The following RPP40 variants were observed in gnomAD, a reference collection of about 807,000 sequenced individuals.
The protein encoded by RPP40 is ribonuclease P protein subunit p40.
Under a neutral mutation model 42.5 loss-of-function variants are expected in RPP40, and 30 were observed. The ratio of observed to expected loss-of-function variants is 0.71; its 90% confidence interval spans 0.53 to 0.96. The LOEUF is 0.96. RPP40 is among the 40% of genes least tolerant of loss of function. The pLI, the probability that RPP40 is intolerant of heterozygous loss-of-function variation, is 0.00. For missense variants in RPP40, 426 were observed against 433.5 expected, an observed-to-expected ratio of 0.98 and a Z score of 0.15; for synonymous variants, 173 against 164.0, an observed-to-expected ratio of 1.05 and a Z score of -0.42.
At chr6:4,990,283 G>A (rs1283598628), downstream of RPP40, among the ~76,000 whole-genome samples, 1 of 152,120 alleles carries the variant, frequency 6.6e-6, no homozygotes, top group East Asian at 1.9e-4. Flanking sequence ...TCTTGATCAT[G>A]TTTTATTACC....
downstream of RPP40, among the ~76,000 whole-genome samples, chr6:4,992,517 T>C (rs556046639): frequency 2.6e-5 from 4 of 152,242 alleles, no homozygotes; most frequent in Non-Finnish European, 4.4e-5. Flanking sequence ...TTTTGATTAA[T>C]ATAGCCACTT....
At position 5,003,980 on chromosome 6, in the gene RPP40, C is replaced by G; in HGVS notation, c.23G>C (p.Arg8Pro). Residue 8 changes from arginine (R) to proline (P), a missense_variant, in exon 1 of 8, where the codon CGG (arginine) becomes CCG (proline). Coordinates refer to ENST00000380051, the MANE Select transcript of RPP40 (RefSeq NM_006638.4). MATLRRL[R>P]EAPRHLLVCE... Reference sequence around the variant, plus strand: ...AACCAGTAAGTGCCGCGGCGCCTCCCGAAGCCGGCGCAGCGTGGCCATGCT... The same window carrying G: ...AACCAGTAAGTGCCGCGGCGCCTCCGGAAGCCGGCGCAGCGTGGCCATGCT... 1.2e-6 allele frequency: 2 copies of G among 1,611,582 alleles called. No homozygotes were observed. Among genetic ancestry groups the G allele is most frequent in the South Asian group, 1.1e-5 (1 of 91,028 alleles).
Position 5,003,910 on chromosome 6 carries a change from A to G in RPP40, c.93T>C (p.His31=). The G allele has an allele frequency of 1.9e-6, 3 of 1,613,754 alleles. No homozygotes were observed. In the Middle Eastern group the frequency reaches 5.0e-4, roughly 266 times the overall value. ...AGTTATAGTAGTGCGTCTGCACAAGATGCCGGTGGCGCGACTTGTGGTTGC... is the reference window on the plus strand; with the variant it reads ...AGTTATAGTAGTGCGTCTGCACAAGGTGCCGGTGGCGCGACTTGTGGTTGC... ...NFGNHKSRHR[H]LVQTHYYNYR... Residue 31 remains histidine (H), a synonymous_variant, in exon 1 of 8, where the codon CAT becomes CAC. Coordinates refer to ENST00000380051, the MANE Select transcript of RPP40 (RefSeq NM_006638.4).
chr6:4,999,665 T>A (rs1759491603), intron 4 of RPP40, 144 bp downstream of exon 4: 1 of 588,570 alleles, frequency 1.7e-6, no homozygotes, highest in African/African-American at 1.9e-5. Context: ...CATCCTATCC[T>A]CTGTGAAGCT....
rs1277283209 is a variant in RPP40 at position 4,995,160 on chromosome 6, T to C, written c.1010A>G (p.His337Arg). Residue 337 changes from histidine (H) to arginine (R), a missense_variant, in exon 8 of 8, where the codon CAT becomes CGT. His to Arg is a conservative substitution (Grantham distance 29). Coordinates refer to ENST00000380051, the MANE Select transcript of RPP40 (RefSeq NM_006638.4). ...ATTAAAAATCACAAAGTTATATAAA[T>C]GTTCTCCTCCTTTTCGAAAACCATG... Reference protein sequence around the residue: ...NEHGFRKGGEHLYNFVIFNNQ... With the variant: ...NEHGFRKGGERLYNFVIFNNQ... 6.2e-7 allele frequency: 1 copy of C among 1,614,142 alleles called. No individual in the cohort carries two copies. The highest frequency in any genetic ancestry group is 1.1e-5 in the South Asian group (1 of 91,086).
downstream of RPP40, among the ~76,000 whole-genome samples, chr6:4,992,839 CT>C (rs1390986964): frequency 2.6e-5 from 4 of 152,020 alleles, no homozygotes; most frequent in Non-Finnish European, 5.9e-5. Flanking sequence ...TCCATTTTAT[CT>C]TTTGATAGTT....
chr6:5,000,490 C>CTTTTT (rs10631918), intron 3 of RPP40, 73 bp downstream of exon 3: 150 of 695,490 alleles, frequency 2.2e-4, no homozygotes, highest in Middle Eastern at 4.7e-4. Flanking sequence ...GCCCAGCTGA[C>CTTTTT]TTTTTTTTTT....
rs150916566 is a variant in RPP40, at chr6:4,996,454, C to A, written c.560-34G>T. On this transcript the variant is annotated intron_variant, in intron 5 of 7. Transcript: ENST00000380051. Reference sequence around the variant, plus strand: ...CACACCACACAAGGCCATTTGAATCCATCTGACCATCGTAAGCAAGTTTAG... The same window carrying A: ...CACACCACACAAGGCCATTTGAATCAATCTGACCATCGTAAGCAAGTTTAG... 3.3e-5 allele frequency: 53 copies of A among 1,603,450 alleles called. No homozygotes were observed. The African/African-American group carries it at 6.1e-4, about 19-fold the overall frequency.
At chr6:4,998,634 A>G in intron 5 of RPP40, 82 bp downstream of exon 5, 1 of 918,208 alleles carries the variant, frequency 1.1e-6, no homozygotes, top group Non-Finnish European at 1.6e-6. Context: ...AGAGTGAATC[A>G]CCATTCAATC....
At position 4,995,058 on chromosome 6, in the gene RPP40, C is replaced by G; in HGVS notation, c.*20G>C. ...AAGCAAGCGTAAATGTAAGTAAACA[C>G]GATTTTTAATTTTTATTTTTTATGG... is the stretch of plus-strand genomic sequence containing the variant. On this transcript the variant is annotated 3_prime_UTR_variant, in exon 8 of 8. Transcript: ENST00000380051. 1 of 1,596,700 alleles carries G rather than the reference C, an allele frequency of 6.3e-7. No homozygotes were observed. The highest frequency in any genetic ancestry group is 1.7e-5 in the Admixed American group (1 of 58,288).
At chr6:4,990,985 G>A (rs548474845), downstream of RPP40, among the ~76,000 whole-genome samples, 3 of 152,086 alleles carry the variant, frequency 2.0e-5, no homozygotes, top group Non-Finnish European at 2.9e-5. Flanking sequence ...AGGCTCTTCA[G>A]TGATGCCACC....
At chr6:4,998,546 A>G (rs562013381) in intron 5 of RPP40, 170 bp downstream of exon 5, 1 of 450,876 alleles carries the variant, frequency 2.2e-6, no homozygotes, top group South Asian at 4.4e-5. Context: ...ATCCTGAACT[A>G]TGGTTTTCAG....
In RPP40 at chr6:4,995,196, T is replaced by C. The variant is rs567401583; in HGVS notation, c.974A>G (p.Glu325Gly). ...QGFADSPVSWEKNEHGFRKGG... is the reference protein window; with the variant it reads ...QGFADSPVSWGKNEHGFRKGG... Reference sequence around the variant, plus strand: ...TTTTCGAAAACCATGTTCATTTTTTTCCCAAGAAACAGGGCTGTCTGCAAA... The same window carrying C: ...TTTTCGAAAACCATGTTCATTTTTTCCCCAAGAAACAGGGCTGTCTGCAAA... The change falls in exon 8 of 8, where the codon GAA becomes GGA. Residue 325 changes from glutamate (E) to glycine (G), a missense_variant. Coordinates refer to ENST00000380051, the MANE Select transcript of RPP40 (RefSeq NM_006638.4). 2,919 of 1,614,178 alleles carry C rather than the reference T, an allele frequency of 1.8e-3. 82 individuals carry two copies. The South Asian group carries it at 0.03, about 17-fold the overall frequency.
chr6:5,002,241 G>T lies in RPP40; in HGVS notation c.128C>A (p.Ser43Ter), dbSNP rs1561747729. Residue 43 changes from serine to a stop codon, truncating the protein, a stop_gained, in exon 2 of 8, where the codon TCA becomes TAA. Coordinates refer to ENST00000380051, the MANE Select transcript of RPP40 (RefSeq NM_006638.4). LOFTEE classifies it high-confidence loss of function. ...TATCCCACATTCAGGAATGAGAAAT[G>T]AAACCTATTGGAATGTGTAATACAA... The part of the protein sequence containing the change: ...VQTHYYNYRV[S>*]FLIPECGILS... 9 of 1,611,954 alleles carry T rather than the reference G, an allele frequency of 5.6e-6. No individual in the cohort carries two copies. The highest frequency in any genetic ancestry group is 7.6e-6 in the Non-Finnish European group (9 of 1,179,070).
rs1259248166 is a variant in RPP40 at position 5,003,971 on chromosome 6, G to A, written c.32C>T (p.Pro11Leu). 1 of 1,612,464 alleles carries A rather than the reference G, an allele frequency of 6.2e-7. No individual in the cohort carries two copies. The highest frequency in any genetic ancestry group is 1.7e-5 in the Admixed American group (1 of 59,990). ...TTTCTCGCAAACCAGTAAGTGCCGCGGCGCCTCCCGAAGCCGGCGCAGCGT... is the reference window on the plus strand; with the variant it reads ...TTTCTCGCAAACCAGTAAGTGCCGCAGCGCCTCCCGAAGCCGGCGCAGCGT... MATLRRLREA[P>L]RHLLVCEKSN... The change falls in exon 1 of 8, where the codon CCG (proline) becomes CTG (leucine). Residue 11 changes from proline to leucine, a missense_variant. Transcript: ENST00000380051.
chr6:4,997,842 G>A (rs1253711289), intron 5 of RPP40, among the ~76,000 whole-genome samples: 1 of 152,214 alleles, frequency 6.6e-6, no homozygotes, highest in East Asian at 1.9e-4. Context: ...GGAAATCTCA[G>A]AACTTTCACA....
rs1046375316 is a variant in RPP40 at position 4,996,436 on chromosome 6, C to T, written c.560-16G>A. The T allele has an allele frequency of 2.5e-6, 4 of 1,611,000 alleles. No homozygotes were observed. The highest frequency in any genetic ancestry group is 1.3e-5 in the African/African-American group (1 of 74,876). Reference sequence around the variant, plus strand: ...TCTTCTGAACCTTAAAAACACACCACACAAGGCCATTTGAATCCATCTGAC... The same window carrying T: ...TCTTCTGAACCTTAAAAACACACCATACAAGGCCATTTGAATCCATCTGAC... On this transcript the variant is annotated splice_polypyrimidine_tract_variant and intron_variant, in intron 5 of 7. Transcript: ENST00000380051.
chr6:4,999,929 T>C, intron 3 of RPP40, 25 bp from the exon 4 acceptor site: 1 of 1,379,542 alleles, frequency 7.2e-7, no homozygotes, highest in Non-Finnish European at 1.0e-6. Context: ...ATAACTCCCA[T>C]AAGATACCAA....
chr6:4,989,394 C>T, the RPP40 span, among the ~76,000 whole-genome samples: 3 of 152,026 alleles, frequency 2.0e-5, no homozygotes, highest in African/African-American at 7.2e-5. Context: ...AGTTGTTTGG[C>T]TACTCTAGGT....
Sources: gnomAD v4.1 joint callset for allele counts (sites outside exome capture counted in the v4.1 genomes callset) on GRCh38, gnomAD v4.1.1 for gene constraint, MANE v1.5 for transcripts, NCBI Gene and HGNC (gene_info 2026-07-23, HGNC 2026-07-21) for gene names.